CRPPA: variants seen among roughly 807,000 people sequenced by gnomAD.
CRPPA encodes CDP-L-ribitol pyrophosphorylase A, also known as D-ribitol-5-phosphate cytidylyltransferase.
CRPPA carries 43 observed loss-of-function variants against 52.0 expected under a neutral mutation model. That is an observed-to-expected ratio of 0.83 (90% confidence interval 0.65 to 1.07). CRPPA has a LOEUF of 1.07. Ranked by LOEUF, CRPPA falls within the 50% of genes least tolerant of loss-of-function variation. The pLI, the probability that CRPPA is intolerant of heterozygous loss-of-function variation, is 0.00. For synonymous variants in CRPPA, 250 were observed against 203.5 expected, an observed-to-expected ratio of 1.23 and a Z score of -1.94; for missense variants, 629 against 551.7, an observed-to-expected ratio of 1.14 and a Z score of -1.40.
intron 2 of CRPPA, among the ~76,000 whole-genome samples, chr7:16,378,645 CA>C (rs1442652183): frequency 2.0e-5 from 3 of 151,610 alleles, no homozygotes; most frequent in Non-Finnish European, 4.4e-5. Flanking sequence ...ATGGCTGGGT[CA>C]AATGGTATTT....
intron 3 of CRPPA, among the ~76,000 whole-genome samples, chr7:16,325,156 C>G (rs10280525): frequency 0.45 from 68,456 of 151,990 alleles, 15,685 homozygotes; most frequent in South Asian, 0.6. Context: ...GCAAAGATGA[C>G]TAAATCATGT....
intron 9 of CRPPA, among the ~76,000 whole-genome samples, chr7:16,094,856 G>A (rs937098841): frequency 2.0e-5 from 3 of 152,126 alleles, no homozygotes; most frequent in East Asian, 1.9e-4. Flanking sequence ...AAACTGTACA[G>A]GTCATCAAAA....
At chr7:16,390,288 T>A (rs1016151228) in intron 2 of CRPPA, among the ~76,000 whole-genome samples, 4 of 152,118 alleles carry the variant, frequency 2.6e-5, no homozygotes, top group African/African-American at 9.7e-5. Flanking sequence ...TCGATATATA[T>A]CTTCTTCCAG....
chr7:16,216,435 G>A (rs1421712632), intron 8 of CRPPA: 1 of 320,152 alleles, frequency 3.1e-6, no homozygotes, highest in Non-Finnish European at 5.7e-6. Flanking sequence ...TGCTGGGGAG[G>A]AGCCAAGATG....
chr7:16,165,226 G>GAA (rs36095975), intron 9 of CRPPA, among the ~76,000 whole-genome samples: 83 of 147,746 alleles, frequency 5.6e-4, no homozygotes, highest in Non-Finnish European at 6.4e-4. Flanking sequence ...CCTCCTCCAA[G>GAA]AAAAAAAAAA....
chr7:16,144,388 G>A lies in CRPPA; in HGVS notation c.1252-52589C>T, dbSNP rs532069376. ...CTACCTGTCTAGAGACATGCCCAAG[G>A]GAGCTGGGAGAAGTCATATGCAGGA... On this transcript the variant is annotated intron_variant, in intron 9 of 9. Coordinates refer to ENST00000407010, the MANE Select transcript of CRPPA (RefSeq NM_001101426.4). 5.9e-5 allele frequency among the ~76,000 whole-genome samples: 9 copies of A among 152,316 alleles called. No individual in the cohort carries two copies. In the East Asian group the frequency reaches 1.5e-3, roughly 26 times the overall value.
At chr7:16,328,925 G>C (rs1785482306) in intron 3 of CRPPA, among the ~76,000 whole-genome samples, 1 of 152,138 alleles carries the variant, frequency 6.6e-6, no homozygotes, top group African/African-American at 2.4e-5. Flanking sequence ...ACAGCACACA[G>C]TTTGGGCCAT....
At chr7:16,235,223 C>A (rs1782915726) in intron 8 of CRPPA, among the ~76,000 whole-genome samples, 1 of 152,026 alleles carries the variant, frequency 6.6e-6, no homozygotes, top group Non-Finnish European at 1.5e-5. Context: ...AGGAAAAAGA[C>A]TTTCAAACAT....
chr7:16,399,912 G>C (rs1259573291), intron 2 of CRPPA, among the ~76,000 whole-genome samples: 1 of 151,692 alleles, frequency 6.6e-6, no homozygotes, highest in African/African-American at 2.4e-5. Flanking sequence ...ATCAACACGT[G>C]TGTGACAGGC....
At chr7:16,293,754 C>G (rs1306599370) in intron 5 of CRPPA, among the ~76,000 whole-genome samples, 1 of 151,942 alleles carries the variant, frequency 6.6e-6, no homozygotes, top group African/African-American at 2.4e-5. Context: ...GGCACATAGG[C>G]AGATTTTTAA....
rs1355543032 is a variant in CRPPA, at chr7:16,148,150, CAT to C, written c.1252-56353_1252-56352del. Among the ~76,000 whole-genome samples, 13 of 152,176 alleles carry C rather than the reference CAT, an allele frequency of 8.5e-5. No homozygotes were observed. The East Asian group carries it at 1.5e-3, about 18-fold the overall frequency. Reference sequence around the variant, plus strand: ...AAAAATTGTTTTACATATAAACAAACATGTATACATACTATACATATTCATAA... The same window carrying C: ...AAAAATTGTTTTACATATAAACAAACGTATACATACTATACATATTCATAA... On this transcript the variant is annotated intron_variant, in intron 9 of 9. Coordinates refer to ENST00000407010, the MANE Select transcript of CRPPA (RefSeq NM_001101426.4).
chr7:16,394,500 A>C (rs1321812805), intron 2 of CRPPA, among the ~76,000 whole-genome samples: 1 of 152,184 alleles, frequency 6.6e-6, no homozygotes, highest in African/African-American at 2.4e-5. Context: ...GGGGGGATTA[A>C]ATAAGACTTG....
At chr7:16,405,196 A>T (rs1210684822) in intron 2 of CRPPA, among the ~76,000 whole-genome samples, 1 of 152,076 alleles carries the variant, frequency 6.6e-6, no homozygotes, top group Non-Finnish European at 1.5e-5. Context: ...CATAGATGTT[A>T]TAATTCATCT....
chr7:16,094,893 C>T (rs893012140), intron 9 of CRPPA, among the ~76,000 whole-genome samples: 5 of 152,078 alleles, frequency 3.3e-5, no homozygotes, highest in African/African-American at 1.2e-4. Context: ...GAAACTGTCA[C>T]AGCCAAGAGG....
Position 16,204,714 on chromosome 7 carries a change from A to C in CRPPA, c.1251+11352T>G, listed in dbSNP as rs192872368. Among the ~76,000 whole-genome samples, 251 of 152,320 alleles carry C rather than the reference A, an allele frequency of 1.6e-3. 1 individual carries two copies. Among genetic ancestry groups the C allele is most frequent in the Non-Finnish European group, 2.5e-3 (171 of 68,020 alleles). Reference sequence around the variant, plus strand: ...ACTTTGGAATTTTGAGTCAAACTACAGAATTTTGAGATAATTCATTCAAGT... The same window carrying C: ...ACTTTGGAATTTTGAGTCAAACTACCGAATTTTGAGATAATTCATTCAAGT... On this transcript the variant is annotated intron_variant, in intron 9 of 9. Transcript: ENST00000407010.
intron 3 of CRPPA, among the ~76,000 whole-genome samples, chr7:16,341,612 A>G (rs1017040077): frequency 2.6e-5 from 4 of 152,168 alleles, no homozygotes; most frequent in Admixed American, 6.5e-5. Context: ...TACTGTTTAT[A>G]CATATTAGGT....
chr7:16,165,546 C>T (rs1781040156), intron 9 of CRPPA, among the ~76,000 whole-genome samples: 1 of 152,196 alleles, frequency 6.6e-6, no homozygotes, highest in Admixed American at 6.5e-5. Flanking sequence ...GCTTCAGCAG[C>T]TATGTCTGTA....
chr7:16,160,278 T>C (rs1402519168), intron 9 of CRPPA, among the ~76,000 whole-genome samples: 2 of 152,210 alleles, frequency 1.3e-5, no homozygotes, highest in East Asian at 3.8e-4. Context: ...TAGGTTTTCT[T>C]CTAGGGTTTT....
chr7:16,362,456 G>C (rs1308308197), intron 3 of CRPPA, among the ~76,000 whole-genome samples: 2 of 152,150 alleles, frequency 1.3e-5, no homozygotes, highest in African/African-American at 2.4e-5. Context: ...CAGAACCCTT[G>C]TGGCTTAATC....
Sources: allele counts gnomAD v4.1 joint callset (sites outside exome capture counted in the v4.1 genomes callset), GRCh38; gene constraint gnomAD v4.1.1; transcripts MANE v1.5; gene names NCBI Gene and HGNC (gene_info 2026-07-23, HGNC 2026-07-21).